SPINT1: variants seen among roughly 807,000 people sequenced by gnomAD.
SPINT1 encodes serine peptidase inhibitor, Kunitz type 1.
In SPINT1, 38 loss-of-function variants were observed where a neutral mutation model predicts 53.7. The ratio of observed to expected loss-of-function variants is 0.71; its 90% confidence interval spans 0.55 to 0.93. SPINT1 has a LOEUF of 0.93. Among genes scored for constraint, SPINT1 ranks in the 40% least tolerant of loss-of-function variants. SPINT1 has a pLI of 0.00. For synonymous variants in SPINT1, 283 were observed against 280.6 expected, an observed-to-expected ratio of 1.01 and a Z score of -0.08; for missense variants, 645 against 692.9, an observed-to-expected ratio of 0.93 and a Z score of 0.78.
Position 40,844,894 on chromosome 15 carries a change from G to C in SPINT1, c.340G>C (p.Ala114Pro). The C allele has an allele frequency of 6.2e-7, 1 of 1,613,904 alleles. No homozygotes were observed. The highest frequency in any genetic ancestry group is 8.5e-7 in the Non-Finnish European group (1 of 1,180,020). ...LQPDRGEDAI[A>P]ACFLINCLYE... is the part of the protein sequence containing the mutation. ...GCCCGACCGCGGGGAGGACGCCATC[G>C]CCGCCTGCTTCCTCATCAACTGCCT... The change falls in exon 2 of 11, where the codon GCC becomes CCC. Residue 114 changes from alanine to proline, a missense_variant. By Grantham distance (27) the Ala-to-Pro change is conservative. Coordinates refer to ENST00000562057, the MANE Select transcript of SPINT1 (RefSeq NM_003710.4). The surrounding 1 kb of genome is among the most constrained non-coding windows in gnomAD (Gnocchi z 5.8).
chr15:40,853,771 A>G lies in SPINT1; in HGVS notation c.803A>G (p.Tyr268Cys). The G allele has an allele frequency of 6.2e-7, 1 of 1,614,182 alleles. No homozygotes were observed. The highest frequency in any genetic ancestry group is 8.5e-7 in the Non-Finnish European group (1 of 1,180,024). The stretch of plus-strand genomic sequence containing the variant: ...CGGGGCTCTTTCCCACGCTGGTACT[A>G]TGACCCCACGGAGCAGATCTGCAAG... ...RCRGSFPRWYYDPTEQICKSF... is the reference protein window; with the variant it reads ...RCRGSFPRWYCDPTEQICKSF... The change falls in exon 5 of 11, where the codon TAT (tyrosine) becomes TGT (cysteine). Residue 268 changes from tyrosine to cysteine, a missense_variant. Tyr to Cys is a radical substitution (Grantham distance 194, BLOSUM62 -2). Transcript: ENST00000562057.
chr15:40,850,840 G>A (rs1181524650), intron 2 of SPINT1, among the ~76,000 whole-genome samples: 2 of 152,206 alleles, frequency 1.3e-5, no homozygotes, highest in African/African-American at 4.8e-5. Context: ...GAAAATAGCT[G>A]CTGCTCAGAG....
At chr15:40,846,753 G>T (rs1891311062) in intron 2 of SPINT1, among the ~76,000 whole-genome samples, 1 of 152,162 alleles carries the variant, frequency 6.6e-6, no homozygotes, top group African/African-American at 2.4e-5. Context: ...TAGTCTCTCT[G>T]CCAGGCTAAG....
At chr15:40,852,253 C>T (rs1213163227) in intron 2 of SPINT1, among the ~76,000 whole-genome samples, 1 of 152,192 alleles carries the variant, frequency 6.6e-6, no homozygotes, top group African/African-American at 2.4e-5. Flanking sequence ...GTCTTCTCCT[C>T]TTCTGTTTCT....
intron 2 of SPINT1, among the ~76,000 whole-genome samples, chr15:40,852,662 T>TGTGTGTGTGTG (rs1891495476): frequency 2.6e-5 from 4 of 151,552 alleles, no homozygotes; most frequent in South Asian, 2.1e-4. Flanking sequence ...TGTGTGTGTG[T>TGTGTGTGTGTG]TTACTCAATA....
At chr15:40,847,366 A>G (rs1205728949) in intron 2 of SPINT1, among the ~76,000 whole-genome samples, 1 of 152,204 alleles carries the variant, frequency 6.6e-6, no homozygotes, top group African/African-American at 2.4e-5. Context: ...GGGTTGGGTG[A>G]CGTGGGTCAC....
At chr15:40,851,824 C>A (rs1297669319) in intron 2 of SPINT1, among the ~76,000 whole-genome samples, 1 of 152,174 alleles carries the variant, frequency 6.6e-6, no homozygotes, top group East Asian at 1.9e-4. Flanking sequence ...AGTTCAAGAC[C>A]AGCCAGGCCC....
Position 40,844,294 on chromosome 15 carries a change from A to C in SPINT1, c.-66+108A>C. On this transcript the variant is annotated intron_variant, in intron 1 of 10. Transcript: ENST00000562057. This position sits in a 1 kb window ranked among gnomAD's most constrained non-coding sequence, Gnocchi z 5.8. ...GTGTGTCCGGGTACTTGAGCTCCCT[A>C]GCGGTCCGCCTGTCCGTCTGTCTGG... 1.8e-6 allele frequency: 1 copy of C among 568,966 alleles called. No homozygotes were observed. The allele number at this position is 568,966 out of a possible 1,614,324, so 35.2% of individuals were successfully genotyped here.
chr15:40,849,248 G>GAAA (rs200108765), intron 2 of SPINT1, among the ~76,000 whole-genome samples: 2 of 140,998 alleles, frequency 1.4e-5, no homozygotes, highest in African/African-American at 2.6e-5. Context: ...TCCGTCTCAG[G>GAAA]AAAAAAAAAA....
At chr15:40,854,555 C>G (rs1484998020) in intron 7 of SPINT1, 33 bp downstream of exon 7, 1 of 1,613,564 alleles carries the variant, frequency 6.2e-7, no homozygotes, top group South Asian at 1.1e-5. Context: ...GGTTGGGCAG[C>G]AGACAGGGAG....
In SPINT1 at chr15:40,855,888, C is replaced by G; in HGVS notation, c.1118-4C>G. The G allele has an allele frequency of 3.1e-6, 5 of 1,613,528 alleles. No homozygotes were observed. Among genetic ancestry groups the G allele is most frequent in the South Asian group, 1.1e-5 (1 of 91,036 alleles). On this transcript the variant is annotated splice_polypyrimidine_tract_variant and splice_region_variant and intron_variant, in intron 8 of 10. Coordinates refer to ENST00000562057, the MANE Select transcript of SPINT1 (RefSeq NM_003710.4). ...CTCACCATAGCCTACCCCATACCCCCCAGGGCACTGCGTGGACCTGCCAGA... is the reference window on the plus strand; with the variant it reads ...CTCACCATAGCCTACCCCATACCCCGCAGGGCACTGCGTGGACCTGCCAGA...
rs138089109 is a variant in SPINT1, at chr15:40,844,822, G to A, written c.268G>A (p.Ala90Thr). Residue 90 changes from alanine to threonine, a missense_variant, in exon 2 of 11, where the codon GCC becomes ACC. Physicochemically the swap from Ala to Thr is moderately conservative, Grantham distance 58 (BLOSUM62 0). Transcript: ENST00000562057. This position sits in a 1 kb window ranked among gnomAD's most constrained non-coding sequence, Gnocchi z 5.8. The stretch of plus-strand genomic sequence containing the variant: ...GCGCCGGGGCTGGGACTGCGTGCGC[G>A]CCTGCTGCACCACCCAGAACTGCAA... ...TVRRGWDCVR[A>T]CCTTQNCNLA... is the part of the protein sequence containing the mutation. 6.3e-4 allele frequency: 1,021 copies of A among 1,613,592 alleles called. No homozygotes were observed. The highest frequency in any genetic ancestry group is 7.6e-4 in the Non-Finnish European group (893 of 1,179,890).
At chr15:40,849,919 C>T (rs1038362645) in intron 2 of SPINT1, among the ~76,000 whole-genome samples, 2 of 152,142 alleles carry the variant, frequency 1.3e-5, no homozygotes, top group African/African-American at 4.8e-5. Flanking sequence ...GTCCCACTTG[C>T]GACTGCTCAG....
chr15:40,847,500 G>A (rs1395740501), intron 2 of SPINT1, among the ~76,000 whole-genome samples: 2 of 152,148 alleles, frequency 1.3e-5, no homozygotes, highest in African/African-American at 4.8e-5. Flanking sequence ...CCTGCAGCTG[G>A]AGGCGGAGCA....
chr15:40,845,143 T>G, intron 2 of SPINT1, 114 bp downstream of exon 2: 1 of 853,306 alleles, frequency 1.2e-6, no homozygotes, highest in Non-Finnish European at 1.7e-6. Context: ...ACTTTTTTTT[T>G]TCTTTTTCTT....
In SPINT1 at chr15:40,844,863, G is replaced by T. The variant is rs780877965; in HGVS notation, c.309G>T (p.Glu103Asp). The change falls in exon 2 of 11, where the codon GAG becomes GAT. Residue 103 changes from glutamate to aspartate, a missense_variant. By Grantham distance (45) the Glu-to-Asp change is conservative. Transcript: ENST00000562057. This position sits in a 1 kb window ranked among gnomAD's most constrained non-coding sequence, Gnocchi z 5.8. ...TTQNCNLALV[E>D]LQPDRGEDAI... ...AGAACTGCAACTTGGCGCTAGTGGA[G>T]CTGCAGCCCGACCGCGGGGAGGACG... is the stretch of plus-strand genomic sequence containing the variant. 1.1e-5 allele frequency: 17 copies of T among 1,613,786 alleles called. No individual in the cohort carries two copies. The highest frequency in any genetic ancestry group is 6.7e-5 in the East Asian group (3 of 44,900).
chr15:40,858,160 A>G lies in SPINT1; in HGVS notation c.*1185A>G, dbSNP rs2142020525. 6.8e-6 allele frequency: 1 copy of G among 146,838 alleles called. No homozygotes were observed. The highest frequency in any genetic ancestry group is 1.5e-5 in the Non-Finnish European group (1 of 67,450). The allele number at this position is 146,838 out of a possible 1,614,324, so 9.1% of individuals were successfully genotyped here. A position where few individuals can be genotyped will look rare whatever the true frequency, so the allele number is the denominator to read the frequency against. ...CAACCCACACCCCTGCATTTGTTCA[A>G]GCTACCTCCCGGTGCCAAAAAAAAA... On this transcript the variant is annotated 3_prime_UTR_variant, in exon 11 of 11. Coordinates refer to ENST00000562057, the MANE Select transcript of SPINT1 (RefSeq NM_003710.4).
chr15:40,852,258 GTT>G (rs1275124414), intron 2 of SPINT1, among the ~76,000 whole-genome samples: 2 of 152,170 alleles, frequency 1.3e-5, no homozygotes, highest in African/African-American at 2.4e-5. Flanking sequence ...CTCCTCTTCT[GTT>G]TCTTATAAAG....
At chr15:40,850,642 C>T (rs1669861205) in intron 2 of SPINT1, among the ~76,000 whole-genome samples, 2 of 152,234 alleles carry the variant, frequency 1.3e-5, no homozygotes, top group Non-Finnish European at 2.9e-5. Flanking sequence ...CCTGGCTTTT[C>T]CTTCCCAGTT....
Sources: gnomAD v4.1 joint callset for allele counts (sites outside exome capture counted in the v4.1 genomes callset) on GRCh38, gnomAD v4.1.1 for gene constraint, Gnocchi (gnomAD v3.1) non-coding constraint, MANE v1.5 for transcripts, NCBI Gene and HGNC (gene_info 2026-07-23, HGNC 2026-07-21) for gene names.